Variants in DACH2 observed in about 807,000 individuals in gnomAD.
The protein encoded by DACH2 is dachshund homolog 2.
Under a neutral mutation model 35.8 loss-of-function variants are expected in DACH2, and 17 were observed. The ratio of observed to expected loss-of-function variants is 0.48; its 90% confidence interval spans 0.33 to 0.71. DACH2 has a LOEUF of 0.71. DACH2 is among the 30% of genes least tolerant of loss of function. The pLI is 0.02. For synonymous variants in DACH2, 195 were observed against 177.3 expected (o/e 1.10, Z -0.79); for missense variants, 469 against 472.7 (o/e 0.99, Z 0.07).
At chrX:86,777,647 A>C in intron 7 of DACH2, among the ~76,000 whole-genome samples, 1 of 111,338 alleles carries the variant, frequency 9.0e-6, no homozygotes, top group East Asian at 2.8e-4. Context: ...TCATTTAAAT[A>C]GCTTAAATAA....
chrX:86,189,421 A>G (rs2031765958), intron 1 of DACH2, among the ~76,000 whole-genome samples: 1 of 111,715 alleles, frequency 9.0e-6, no homozygotes, highest in African/African-American at 3.3e-5. Context: ...GAACAAATGT[A>G]ATTAATTTAA....
intron 3 of DACH2, among the ~76,000 whole-genome samples, chrX:86,615,168 A>C (rs1050274330): frequency 2.7e-5 from 3 of 111,794 alleles, no homozygotes; most frequent in African/African-American, 9.7e-5. Context: ...CTCTGTTGCT[A>C]TCAGAATGTG....
At position 86,804,777 on chromosome X, in the gene DACH2, C is replaced by A. The variant is rs762387000; in HGVS notation, c.1241-8079C>A. Reference sequence around the variant, plus strand: ...CCCATGCAAGTCTGAAACCTAGCAGCGCAGTCATTAAATCTTAAAGCTCCA... The same window carrying A: ...CCCATGCAAGTCTGAAACCTAGCAGAGCAGTCATTAAATCTTAAAGCTCCA... On this transcript the variant is annotated intron_variant, in intron 7 of 11. Coordinates refer to ENST00000373125, the MANE Select transcript of DACH2 (RefSeq NM_053281.3). Among the ~76,000 whole-genome samples the A allele has an allele frequency of 8.5e-4, 96 of 112,601 alleles. 1 individual carries two copies. Among genetic ancestry groups the A allele is most frequent in the Non-Finnish European group, 1.7e-3 (89 of 53,318 alleles).
chrX:86,745,570 TG>T, intron 7 of DACH2, among the ~76,000 whole-genome samples: 1 of 111,579 alleles, frequency 9.0e-6, no homozygotes, highest in South Asian at 3.8e-4. Context: ...ACCCCATCCA[TG>T]TTGCTGCAAA....
At chrX:86,357,896 C>T (rs1293127655) in intron 1 of DACH2, among the ~76,000 whole-genome samples, 4 of 112,224 alleles carry the variant, frequency 3.6e-5, no homozygotes, top group African/African-American at 6.5e-5. Context: ...ATTCTTCAAT[C>T]AAGGGCTTAG....
At chrX:86,799,150 T>A in intron 7 of DACH2, 1 of 312,164 alleles carries the variant, frequency 3.2e-6, no homozygotes, top group Non-Finnish European at 6.1e-6. Flanking sequence ...TCCAAGACCC[T>A]GGAACTCTTG....
chrX:86,451,380 T>G (rs2037374987), intron 2 of DACH2, among the ~76,000 whole-genome samples: 1 of 111,503 alleles, frequency 9.0e-6, no homozygotes, highest in Admixed American at 9.6e-5. Flanking sequence ...GTGTGCCATC[T>G]TATTTCTGAG....
At chrX:86,649,191 C>T (rs1242846079) in intron 3 of DACH2, among the ~76,000 whole-genome samples, 1 of 110,840 alleles carries the variant, frequency 9.0e-6, no homozygotes, top group Non-Finnish European at 1.9e-5. Context: ...TCATAGGAGA[C>T]AAACATTTTA....
At chrX:86,265,865 T>C (rs1172456791) in intron 1 of DACH2, among the ~76,000 whole-genome samples, 1 of 111,587 alleles carries the variant, frequency 9.0e-6, no homozygotes, top group African/African-American at 3.3e-5. Context: ...CACATCTGTT[T>C]ATGTGTATTA....
At chrX:86,704,459 C>CA (rs972526363) in intron 5 of DACH2, among the ~76,000 whole-genome samples, 10 of 109,496 alleles carry the variant, frequency 9.1e-5, no homozygotes, top group East Asian at 2.9e-4. Flanking sequence ...CTAATTAAAC[C>CA]AAAAAAAACC....
chrX:86,398,141 A>G (rs1340997322), intron 2 of DACH2, among the ~76,000 whole-genome samples: 1 of 112,031 alleles, frequency 8.9e-6, no homozygotes, highest in Non-Finnish European at 1.9e-5. Flanking sequence ...CGAGGAATTT[A>G]TCCATTTCTC....
intron 3 of DACH2, among the ~76,000 whole-genome samples, chrX:86,628,705 C>T (rs2040165101): frequency 8.9e-6 from 1 of 112,058 alleles, no homozygotes; most frequent in Admixed American, 9.5e-5. Flanking sequence ...TTGCTCTCTG[C>T]AGCAACAGAG....
intron 2 of DACH2, among the ~76,000 whole-genome samples, chrX:86,431,623 A>G (rs774852139): frequency 2.9e-4 from 32 of 111,828 alleles, no homozygotes; most frequent in African/African-American, 9.4e-4. Context: ...CTTCCATATC[A>G]TATGTTACAT....
intron 1 of DACH2, among the ~76,000 whole-genome samples, chrX:86,323,679 G>C (rs1486415875): frequency 8.9e-6 from 1 of 111,930 alleles, no homozygotes; most frequent in East Asian, 2.8e-4. Flanking sequence ...GACAACACCA[G>C]GGTGTAGCTC....
chrX:86,582,297 A>G (rs1201308628), intron 3 of DACH2, among the ~76,000 whole-genome samples: 1 of 111,451 alleles, frequency 9.0e-6, no homozygotes, highest in East Asian at 2.8e-4. Flanking sequence ...ACCTAAAGGG[A>G]CTAGAGAAAC....
intron 2 of DACH2, among the ~76,000 whole-genome samples, chrX:86,384,654 AATGTT>A (rs2036096247): frequency 8.9e-6 from 1 of 111,851 alleles, no homozygotes; most frequent in Non-Finnish European, 1.9e-5. Context: ...TTTTTAAACT[AATGTT>A]AATGTTCAAA....
Position 86,317,905 on chromosome X carries a change from G to T in DACH2, c.489-58919G>T, listed in dbSNP as rs377704491. Among the ~76,000 whole-genome samples the T allele has an allele frequency of 3.2e-4, 35 of 109,594 alleles. No homozygotes were observed. The East Asian group carries it at 4.1e-3, about 13-fold the overall frequency. On this transcript the variant is annotated intron_variant, in intron 1 of 11. Transcript: ENST00000373125. ...GTCTACACAGGGGCTGTGTAGACAA[G>T]GTGTGAGGCCAGTTCCCCAAGGGGC...
At chrX:86,218,465 A>C (rs1781683640) in intron 1 of DACH2, among the ~76,000 whole-genome samples, 1 of 112,028 alleles carries the variant, frequency 8.9e-6, no homozygotes, top group Non-Finnish European at 1.9e-5. Flanking sequence ...ATTACTGACA[A>C]TCAGTGAAAT....
intron 1 of DACH2, among the ~76,000 whole-genome samples, chrX:86,277,316 T>C (rs1602346567): frequency 8.9e-6 from 1 of 112,061 alleles, no homozygotes; most frequent in East Asian, 2.8e-4. Context: ...TGATTTCTTT[T>C]TCAGATTGTT....
Sources: gnomAD v4.1 joint callset for allele counts (sites outside exome capture counted in the v4.1 genomes callset) on GRCh38, gnomAD v4.1.1 for gene constraint, MANE v1.5 for transcripts, NCBI Gene and HGNC (gene_info 2026-07-23, HGNC 2026-07-21) for gene names.